The following LARP4B variants were observed in gnomAD, a reference collection of about 807,000 sequenced individuals.
LARP4B encodes la-related protein 4B.
A neutral mutation model predicts 89.8 loss-of-function variants in LARP4B; 12 were observed. The ratio of observed to expected loss-of-function variants is 0.13; its 90% CI spans 0.09 to 0.22. The LOEUF is 0.22. LARP4B is among the 10% of genes least tolerant of loss of function. The pLI, the probability that LARP4B is intolerant of heterozygous loss-of-function variation, is 1.00. For missense variants in LARP4B, 757 were observed against 947.7 expected, an observed-to-expected ratio of 0.80 and a Z score of 2.64; for synonymous variants, 367 against 363.3, an observed-to-expected ratio of 1.01 and a Z score of -0.12.
rs1831753940 is a variant in LARP4B at position 811,953 on chromosome 10, G to A, written c.*973C>T. 6.6e-6 allele frequency: 1 copy of A among 152,332 alleles called. No homozygotes were observed. Among genetic ancestry groups the A allele is most frequent in the Non-Finnish European group, 1.5e-5 (1 of 68,038 alleles). 9.4% of individuals were successfully genotyped at this position (152,332 alleles called of 1,614,324 possible). A position where few individuals can be genotyped will look rare whatever the true frequency, so the allele number is the denominator to read the frequency against. ...TTATCCTCCACCAGCCAAAGAGGGG[G>A]AAAAACCACAAACACCATTCTCTCA... On this transcript the variant is annotated 3_prime_UTR_variant, in exon 18 of 18. Coordinates refer to ENST00000316157, the MANE Select transcript of LARP4B (RefSeq NM_015155.3).
chr10:974,582 G>A, the LARP4B span, among the ~76,000 whole-genome samples: 1 of 152,192 alleles, frequency 6.6e-6, no homozygotes, highest in Non-Finnish European at 1.5e-5. Context: ...GCAAGGGGCT[G>A]TGGCGTGCAC....
At chr10:869,095 C>T (rs1195537793) in intron 3 of LARP4B, among the ~76,000 whole-genome samples, 6 of 152,174 alleles carry the variant, frequency 3.9e-5, no homozygotes, top group South Asian at 2.1e-4. Context: ...ACCAGAGGGA[C>T]AGCCTTATCT....
At chr10:848,455 G>A (rs1248922659) in intron 5 of LARP4B, among the ~76,000 whole-genome samples, 1 of 151,784 alleles carries the variant, frequency 6.6e-6, no homozygotes, top group East Asian at 1.9e-4. Flanking sequence ...TCAACCAACA[G>A]AAGCCAATCC....
rs1449045363 is a variant in LARP4B, at chr10:813,277, CAA to C, written c.1930-66_1930-65del. 3 of 1,458,872 alleles carry C rather than the reference CAA, an allele frequency of 2.1e-6. No homozygotes were observed. The African/African-American group carries it at 4.3e-5, about 21-fold the overall frequency. 90.4% of individuals were successfully genotyped at this position (1,458,872 alleles called of 1,614,324 possible). A position where few individuals can be genotyped will look rare whatever the true frequency, so the allele number is the denominator to read the frequency against. On this transcript the variant is annotated intron_variant, in intron 17 of 17. Coordinates refer to ENST00000316157, the MANE Select transcript of LARP4B (RefSeq NM_015155.3). ...TGTCTCTAGGGACAAGACAGGAAAT[CAA>C]GTTCACTTAAGATAAAAGAGTTTTC...
At chr10:836,843 T>C (rs1166251810) in intron 7 of LARP4B, among the ~76,000 whole-genome samples, 2 of 152,254 alleles carry the variant, frequency 1.3e-5, no homozygotes, top group Admixed American at 6.5e-5. Context: ...TGCCCTTCCC[T>C]GGCTCCCTGA....
chr10:967,172 G>A, the LARP4B span, among the ~76,000 whole-genome samples: 1 of 152,192 alleles, frequency 6.6e-6, no homozygotes, highest in East Asian at 1.9e-4. Flanking sequence ...CAGACTCCTG[G>A]GGAAAGCATC....
intron 1 of LARP4B, among the ~76,000 whole-genome samples, chr10:889,430 G>GAACATGCACACC (rs1835952551): frequency 6.6e-6 from 1 of 151,990 alleles, no homozygotes; most frequent in South Asian, 2.1e-4. Context: ...CAAATCCACC[G>GAACATGCACACC]AACATGCACA....
intron 5 of LARP4B, among the ~76,000 whole-genome samples, chr10:853,455 A>G (rs886500092): frequency 6.6e-6 from 1 of 152,190 alleles, no homozygotes; most frequent in African/African-American, 2.4e-5. Flanking sequence ...AGGCCGAGGC[A>G]AGTGGAACAC....
chr10:870,640 C>T (rs1346238231), intron 3 of LARP4B, among the ~76,000 whole-genome samples: 2 of 152,194 alleles, frequency 1.3e-5, no homozygotes, highest in African/African-American at 4.8e-5. Context: ...CACGTTCACT[C>T]GTCCCACATG....
At chr10:938,375 C>A in the LARP4B span, among the ~76,000 whole-genome samples, 2 of 151,452 alleles carry the variant, frequency 1.3e-5, no homozygotes, top group Non-Finnish European at 2.9e-5. Flanking sequence ...CTCAGCCTCC[C>A]GAGTAGCTGG....
At chr10:914,750 G>A (rs1208968775) in intron 1 of LARP4B, among the ~76,000 whole-genome samples, 3 of 151,394 alleles carry the variant, frequency 2.0e-5, no homozygotes, top group South Asian at 2.1e-4. Flanking sequence ...GCAGTGAGCC[G>A]AGATCATGCC....
Position 812,499 on chromosome 10 carries a change from T to G in LARP4B, c.*427A>C, listed in dbSNP as rs1485130293. Reference sequence around the variant, plus strand: ...CCAAGGCCACTGGCCCTCATTCATCTGCGGGGACGTTCTAGAGATATGCAC... The same window carrying G: ...CCAAGGCCACTGGCCCTCATTCATCGGCGGGGACGTTCTAGAGATATGCAC... On this transcript the variant is annotated 3_prime_UTR_variant, in exon 18 of 18. Transcript: ENST00000316157. 1 of 151,292 alleles carries G rather than the reference T, an allele frequency of 6.6e-6. No homozygotes were observed. The highest frequency in any genetic ancestry group is 6.6e-5 in the Admixed American group (1 of 15,184). The allele number at this position is 151,292 out of a possible 1,614,324, so 9.4% of individuals were successfully genotyped here. A position where few individuals can be genotyped will look rare whatever the true frequency, so the allele number is the denominator to read the frequency against.
At chr10:917,981 C>T (rs1836870849) in intron 1 of LARP4B, among the ~76,000 whole-genome samples, 1 of 152,106 alleles carries the variant, frequency 6.6e-6, no homozygotes, top group African/African-American at 2.4e-5. Flanking sequence ...TTATTAGATT[C>T]CAGCCTTAAC....
the LARP4B span, among the ~76,000 whole-genome samples, chr10:945,425 A>G: frequency 0.17 from 24,849 of 147,258 alleles, 2,088 homozygotes; most frequent in South Asian, 0.22. Flanking sequence ...GGTGGCTCAC[A>G]CCTGTAATCC....
the LARP4B span, among the ~76,000 whole-genome samples, chr10:965,425 G>T: frequency 7.2e-5 from 11 of 151,988 alleles, no homozygotes; most frequent in Admixed American, 1.3e-4. Context: ...TCAAAGACAC[G>T]GTGCCCGCTC....
intron 1 of LARP4B, among the ~76,000 whole-genome samples, chr10:905,982 C>T (rs1836481495): frequency 6.6e-6 from 1 of 152,218 alleles, no homozygotes; most frequent in Non-Finnish European, 1.5e-5. Context: ...AGGGCAAAAG[C>T]TCTCTTGCCC....
intron 7 of LARP4B, among the ~76,000 whole-genome samples, chr10:839,865 A>G (rs1052718768): frequency 2.0e-5 from 3 of 152,228 alleles, no homozygotes; most frequent in African/African-American, 7.2e-5. Context: ...AGCAATTTGT[A>G]GTGGTCAAAA....
intron 1 of LARP4B, among the ~76,000 whole-genome samples, chr10:910,678 G>C (rs1588983310): frequency 6.6e-6 from 1 of 152,200 alleles, no homozygotes; most frequent in African/African-American, 2.4e-5. Context: ...CAGGATTTTG[G>C]GTCAAGGTTT....
intron 3 of LARP4B, among the ~76,000 whole-genome samples, chr10:877,908 A>T (rs1835519626): frequency 1.3e-5 from 2 of 152,222 alleles, no homozygotes; most frequent in South Asian, 4.1e-4. Context: ...ACATTGTTAG[A>T]AGGTGCTAAC....
Sources: gnomAD v4.1 joint callset for allele counts (sites outside exome capture counted in the v4.1 genomes callset) on GRCh38, gnomAD v4.1.1 for gene constraint, MANE v1.5 for transcripts, NCBI Gene and HGNC (gene_info 2026-07-23, HGNC 2026-07-21) for gene names.